Variants in PPHLN1 observed in about 807,000 individuals in gnomAD.
The protein encoded by PPHLN1 is periphilin 1.
Under a neutral mutation model 51.3 loss-of-function variants are expected in PPHLN1, and 29 were observed. That is an observed-to-expected ratio of 0.57 (90% CI 0.42 to 0.77). The LOEUF is 0.77. Ranked by LOEUF, PPHLN1 falls within the 30% of genes least tolerant of loss-of-function variation. The probability of loss-of-function intolerance (pLI) is 0.00; values close to 1 mark genes in which losing one functional copy is unlikely to be tolerated. For missense variants in PPHLN1, 436 were observed against 438.4 expected, an observed-to-expected ratio of 0.99 and a Z score of 0.05; for synonymous variants, 147 against 147.8, an observed-to-expected ratio of 0.99 and a Z score of 0.04.
intron 3 of PPHLN1, 54 bp downstream of exon 3, chr12:42,352,103 A>C: frequency 1.5e-6 from 2 of 1,340,170 alleles, no homozygotes; most frequent in Non-Finnish European, 1.9e-6. Context: ...TTTAAAATTA[A>C]TGTAATTTAA....
intron 8 of PPHLN1, among the ~76,000 whole-genome samples, chr12:42,394,450 A>G (rs2078015637): frequency 6.6e-6 from 1 of 152,278 alleles, no homozygotes. Flanking sequence ...AATGACTTTT[A>G]TAGAATGTTC....
chr12:42,330,390 C>T (rs1023098933), intron 1 of PPHLN1, among the ~76,000 whole-genome samples: 3 of 152,216 alleles, frequency 2.0e-5, no homozygotes, highest in South Asian at 4.1e-4. Flanking sequence ...AGGTCTTTCT[C>T]GTCCCACGAG....
intron 1 of PPHLN1, among the ~76,000 whole-genome samples, chr12:42,331,607 A>G (rs2069748540): frequency 6.6e-6 from 1 of 152,204 alleles, no homozygotes; most frequent in Non-Finnish European, 1.5e-5. Flanking sequence ...TACCGTCTTC[A>G]TTGAATATGG....
At chr12:42,381,824 T>C (rs1030507255) in intron 5 of PPHLN1, among the ~76,000 whole-genome samples, 3 of 152,212 alleles carry the variant, frequency 2.0e-5, no homozygotes, top group Admixed American at 1.3e-4. Context: ...TTTCTCTTCA[T>C]ATCTTCAGCT....
intron 6 of PPHLN1, among the ~76,000 whole-genome samples, chr12:42,386,144 C>A (rs990363598): frequency 2.6e-5 from 4 of 152,238 alleles, no homozygotes; most frequent in African/African-American, 7.2e-5. Context: ...TCAACCTCTG[C>A]ACAATTGACA....
intron 8 of PPHLN1, among the ~76,000 whole-genome samples, chr12:42,396,206 T>G (rs1364760616): frequency 1.3e-5 from 2 of 152,196 alleles, no homozygotes; most frequent in Non-Finnish European, 2.9e-5. Flanking sequence ...CGGTGTTCAG[T>G]AAGAGGATAA....
intron 2 of PPHLN1, among the ~76,000 whole-genome samples, chr12:42,344,405 C>T (rs1350360515): frequency 3.9e-5 from 6 of 152,060 alleles, no homozygotes; most frequent in Admixed American, 3.3e-4. Flanking sequence ...GCTTCATTGC[C>T]AATCTTGTTT....
chr12:42,335,333 T>G (rs1429701202), intron 1 of PPHLN1, among the ~76,000 whole-genome samples: 1 of 152,134 alleles, frequency 6.6e-6, no homozygotes, highest in Non-Finnish European at 1.5e-5. Context: ...TCAGGAGTGG[T>G]TTCTTTCAGG....
At chr12:42,447,480 C>G (rs776152997), downstream of PPHLN1, 1 of 152,216 alleles carries the variant, frequency 6.6e-6, no homozygotes, top group Non-Finnish European at 1.5e-5. Flanking sequence ...ACCCCTCATC[C>G]AAATCATGGG....
At chr12:42,334,281 T>C (rs1261954930) in intron 1 of PPHLN1, among the ~76,000 whole-genome samples, 2 of 152,222 alleles carry the variant, frequency 1.3e-5, no homozygotes, top group African/African-American at 2.4e-5. Flanking sequence ...TGTTAAAAGC[T>C]AATTTTTTTC....
chr12:42,431,414 T>G (rs1187773736), intron 9 of PPHLN1, among the ~76,000 whole-genome samples: 1 of 152,194 alleles, frequency 6.6e-6, no homozygotes, highest in Non-Finnish European at 1.5e-5. Context: ...ATAACATTTC[T>G]TATAGCCAGC....
At chr12:42,442,985 G>A (rs1272166762), downstream of PPHLN1, 1 of 468,716 alleles carries the variant, frequency 2.1e-6, no homozygotes, top group African/African-American at 2.0e-5. Flanking sequence ...GGGAAAAAGT[G>A]GGGAGAAATC....
intron 2 of PPHLN1, among the ~76,000 whole-genome samples, chr12:42,341,851 G>A (rs1202929402): frequency 6.6e-6 from 1 of 152,084 alleles, no homozygotes; most frequent in African/African-American, 2.4e-5. Flanking sequence ...TCGATCTCCT[G>A]ACCTCGTGAT....
chr12:42,425,636 C>T (rs2081391327), intron 9 of PPHLN1, among the ~76,000 whole-genome samples: 1 of 152,024 alleles, frequency 6.6e-6, no homozygotes, highest in Admixed American at 6.6e-5. Flanking sequence ...ATCCACCTGC[C>T]TCGGCCTCCC....
chr12:42,423,361 C>T (rs1347105308), intron 9 of PPHLN1, among the ~76,000 whole-genome samples: 1 of 152,012 alleles, frequency 6.6e-6, no homozygotes, highest in Non-Finnish European at 1.5e-5. Context: ...TTTTAGCCTA[C>T]TTTTAATCTA....
At position 42,349,419 on chromosome 12, in the gene PPHLN1, T is replaced by A. The variant is rs564873380; in HGVS notation, c.73-2466T>A. 5.2e-4 allele frequency among the ~76,000 whole-genome samples: 79 copies of A among 152,304 alleles called. 1 individual carries two copies. The Middle Eastern group carries it at 0.024, about 46-fold the overall frequency. On this transcript the variant is annotated intron_variant, in intron 2 of 9. Transcript: ENST00000358314. ...TTTTGTTTTGTTTTTTAAATTTTTT[T>A]AGTATTTATTGATCATTCTTGGGTG...
chr12:42,357,909 C>T (rs2074222052), intron 4 of PPHLN1, among the ~76,000 whole-genome samples: 1 of 152,162 alleles, frequency 6.6e-6, no homozygotes, highest in South Asian at 2.1e-4. Flanking sequence ...CTCTGTCTCT[C>T]ATTCCACTAT....
At chr12:42,370,196 C>T (rs2138664429) in intron 4 of PPHLN1, among the ~76,000 whole-genome samples, 1 of 152,312 alleles carries the variant, frequency 6.6e-6, no homozygotes, top group African/African-American at 2.4e-5. Context: ...ATGCAGAATC[C>T]TGAGTCACAC....
chr12:42,332,104 T>A (rs1011641632), intron 1 of PPHLN1, among the ~76,000 whole-genome samples: 7 of 152,080 alleles, frequency 4.6e-5, no homozygotes, highest in Non-Finnish European at 1.0e-4. Context: ...CTAGGGAGGT[T>A]GAGTCGGGAG....
Sources: gnomAD v4.1 joint callset for allele counts (sites outside exome capture counted in the v4.1 genomes callset) on GRCh38, gnomAD v4.1.1 for gene constraint, MANE v1.5 for transcripts, NCBI Gene and HGNC (gene_info 2026-07-23, HGNC 2026-07-21) for gene names.